Variants in CMSS1 observed in about 807,000 individuals in gnomAD.
CMSS1 encodes the protein protein CMSS1.
Under a neutral mutation model 43.5 loss-of-function variants are expected in CMSS1, and 33 were observed. That is an observed-to-expected ratio of 0.76 (90% CI 0.57 to 1.01). The LOEUF (loss-of-function observed/expected upper bound fraction) is 1.01, where lower values mean the gene tolerates loss of function less well. CMSS1 is among the 50% of genes least tolerant of loss of function. CMSS1 has a pLI of 0.00. For missense variants in CMSS1, 313 were observed against 326.4 expected (o/e 0.96, Z 0.32); for synonymous variants, 115 against 117.2 (o/e 0.98, Z 0.12).
chr3:99,845,709 T>C (rs1471673292), intron 1 of CMSS1, among the ~76,000 whole-genome samples: 2 of 152,226 alleles, frequency 1.3e-5, no homozygotes, highest in African/African-American at 2.4e-5. Flanking sequence ...TTAGGTGTAA[T>C]TCTATAGAAA....
intron 6 of CMSS1, among the ~76,000 whole-genome samples, chr3:100,169,736 C>G (rs560388423): frequency 2.6e-5 from 4 of 152,168 alleles, no homozygotes; most frequent in Admixed American, 6.5e-5. Context: ...CAACTGCTTC[C>G]GGGCAGCTGT....
chr3:99,963,139 C>A (rs1444342820), intron 1 of CMSS1, among the ~76,000 whole-genome samples: 1 of 152,150 alleles, frequency 6.6e-6, no homozygotes, highest in Non-Finnish European at 1.5e-5. Flanking sequence ...TAACAGTGCA[C>A]CAGAGAAAGT....
chr3:100,001,556 T>C (rs1310211791), intron 1 of CMSS1, among the ~76,000 whole-genome samples: 1 of 152,152 alleles, frequency 6.6e-6, no homozygotes, highest in Non-Finnish European at 1.5e-5. Flanking sequence ...TTGCTTTTCG[T>C]AGGAAGAAAG....
chr3:99,880,265 C>G (rs1291234447), intron 1 of CMSS1, among the ~76,000 whole-genome samples: 1 of 152,150 alleles, frequency 6.6e-6, no homozygotes, highest in Non-Finnish European at 1.5e-5. Context: ...TTGGGTGCCA[C>G]CTGTCTGGCT....
At position 100,157,544 on chromosome 3, in the gene CMSS1, A is replaced by G. The variant is rs150251715; in HGVS notation, c.154-2886A>G. ...AGGATAACAAGCTGGATTTTTTACT[A>G]TGGAACTCCCAAACGTCACTCTCTG... On this transcript the variant is annotated intron_variant, in intron 2 of 9. Coordinates refer to ENST00000421999, the MANE Select transcript of CMSS1 (RefSeq NM_032359.4). 5.4e-3 allele frequency among the ~76,000 whole-genome samples: 828 copies of G among 152,308 alleles called. 8 individuals are homozygous for G. The highest frequency in any genetic ancestry group is 0.019 in the African/African-American group (797 of 41,562).
chr3:99,968,404 G>A (rs899353512), intron 1 of CMSS1, among the ~76,000 whole-genome samples: 4 of 151,464 alleles, frequency 2.6e-5, no homozygotes, highest in African/African-American at 9.7e-5. Flanking sequence ...TATGAAGTAG[G>A]TCCTGAAAAA....
chr3:99,827,832 C>T (rs1942565137), intron 1 of CMSS1, among the ~76,000 whole-genome samples: 1 of 151,810 alleles, frequency 6.6e-6, no homozygotes, highest in Non-Finnish European at 1.5e-5. Flanking sequence ...CTCGAACTCC[C>T]AACCTCAGGT....
chr3:99,923,416 A>T (rs185844944), intron 1 of CMSS1, among the ~76,000 whole-genome samples: 1 of 152,330 alleles, frequency 6.6e-6, no homozygotes, highest in African/African-American at 2.4e-5. Flanking sequence ...TCAAAATCCT[A>T]CAACACAGAA....
intron 1 of CMSS1, among the ~76,000 whole-genome samples, chr3:100,081,784 C>A (rs2107406199): frequency 6.6e-6 from 1 of 152,186 alleles, no homozygotes; most frequent in East Asian, 1.9e-4. Flanking sequence ...TGTTTTAGAG[C>A]CAGGTTTCTC....
chr3:99,911,683 G>A (rs1688782), intron 1 of CMSS1, among the ~76,000 whole-genome samples: 2 of 151,904 alleles, frequency 1.3e-5, no homozygotes, highest in Non-Finnish European at 2.9e-5. Context: ...CTTCACATTC[G>A]CTCCCTGCAG....
intron 1 of CMSS1, among the ~76,000 whole-genome samples, chr3:100,110,936 G>A (rs983123515): frequency 8.6e-5 from 13 of 152,018 alleles, no homozygotes; most frequent in African/African-American, 2.9e-4. Context: ...TTTGCATGTA[G>A]GTGGATATAC....
At chr3:100,042,111 C>A (rs1220115884) in intron 1 of CMSS1, among the ~76,000 whole-genome samples, 1 of 152,008 alleles carries the variant, frequency 6.6e-6, no homozygotes, top group African/African-American at 2.4e-5. Flanking sequence ...AATAGAAATT[C>A]TGGAATTTGA....
At chr3:100,086,359 A>G (rs1001341238) in intron 1 of CMSS1, among the ~76,000 whole-genome samples, 1 of 152,178 alleles carries the variant, frequency 6.6e-6, no homozygotes. Flanking sequence ...CATTCCAAGT[A>G]TTACTACTGA....
At chr3:99,946,099 T>C (rs570611928) in intron 1 of CMSS1, among the ~76,000 whole-genome samples, 2 of 152,354 alleles carry the variant, frequency 1.3e-5, no homozygotes, top group Admixed American at 6.5e-5. Context: ...TTTATGATAG[T>C]CATTCTCAAC....
chr3:100,167,527 G>C (rs1339737665), intron 5 of CMSS1, among the ~76,000 whole-genome samples: 3 of 152,020 alleles, frequency 2.0e-5, no homozygotes, highest in Non-Finnish European at 4.4e-5. Flanking sequence ...TAGGGACTTG[G>C]TATGTTTGTT....
chr3:100,025,538 T>A, intron 1 of CMSS1: 1 of 152,178 alleles, frequency 6.6e-6, no homozygotes, highest in South Asian at 2.1e-4. Context: ...CGGGGAAAGA[T>A]GTTATACTCG....
intron 1 of CMSS1, among the ~76,000 whole-genome samples, chr3:99,975,733 T>C (rs915666685): frequency 1.4e-4 from 21 of 152,316 alleles, no homozygotes; most frequent in African/African-American, 5.1e-4. Context: ...AAGTCCTGAG[T>C]ATATACTCAT....
chr3:99,847,347 CT>C (rs879394535), intron 1 of CMSS1, among the ~76,000 whole-genome samples: 379 of 136,382 alleles, frequency 2.8e-3, no homozygotes, highest in Middle Eastern at 7.5e-3. Flanking sequence ...ATGACATTTT[CT>C]TTTTTTTTTT....
chr3:99,894,685 T>C (rs1398384124), intron 1 of CMSS1, among the ~76,000 whole-genome samples: 2 of 152,202 alleles, frequency 1.3e-5, no homozygotes, highest in Non-Finnish European at 2.9e-5. Flanking sequence ...AACGATATTA[T>C]TAATTATGGA....
Sources: allele counts gnomAD v4.1 joint callset (sites outside exome capture counted in the v4.1 genomes callset), GRCh38; gene constraint gnomAD v4.1.1; transcripts MANE v1.5; gene names NCBI Gene and HGNC (gene_info 2026-07-23, HGNC 2026-07-21).